CC2D2B: variants seen among roughly 807,000 people sequenced by gnomAD.
The protein encoded by CC2D2B is coiled-coil and C2 domain containing 2B.
Under a neutral mutation model 161.2 loss-of-function variants are expected in CC2D2B, and 128 were observed. The ratio of observed to expected loss-of-function variants is 0.79; its 90% CI spans 0.69 to 0.92. CC2D2B has a LOEUF of 0.92. Among genes scored for constraint, CC2D2B ranks in the 40% least tolerant of loss-of-function variants. The probability of loss-of-function intolerance (pLI) is 0.00; values close to 1 mark genes in which losing one functional copy is unlikely to be tolerated. For missense variants in CC2D2B, 1,173 were observed against 1,375.1 expected (o/e 0.85, Z 2.32); for synonymous variants, 391 against 449.8 (o/e 0.87, Z 1.65).
At chr10:96,002,279 G>A (rs1175870534) in intron 24 of CC2D2B, among the ~76,000 whole-genome samples, 1 of 152,062 alleles carries the variant, frequency 6.6e-6, no homozygotes, top group Non-Finnish European at 1.5e-5. Context: ...ACTACTTTTT[G>A]TTGCCTCTGA....
chr10:95,965,604 T>C (rs2076913232), intron 12 of CC2D2B, among the ~76,000 whole-genome samples: 1 of 152,088 alleles, frequency 6.6e-6, no homozygotes. Context: ...ATTCCCCTGT[T>C]ACTTATTCTC....
chr10:95,997,951 T>C (rs1360702930), intron 24 of CC2D2B, among the ~76,000 whole-genome samples: 1 of 152,234 alleles, frequency 6.6e-6, no homozygotes, highest in Non-Finnish European at 1.5e-5. Context: ...AACAGCAGTA[T>C]ATACAATTTC....
At chr10:95,932,901 T>C (rs190343352) in intron 6 of CC2D2B, among the ~76,000 whole-genome samples, 4 of 152,302 alleles carry the variant, frequency 2.6e-5, no homozygotes, top group African/African-American at 9.6e-5. Context: ...GTATTCTCTG[T>C]ATTTCCTGAA....
intron 27 of CC2D2B, 31 bp from the exon 28 acceptor site, chr10:96,012,501 C>G: frequency 6.8e-7 from 1 of 1,466,468 alleles, no homozygotes; most frequent in Non-Finnish European, 9.5e-7. Context: ...CAATACAGTA[C>G]AATTCTGAAA....
chr10:95,956,281 T>A (rs1172653149), intron 11 of CC2D2B, among the ~76,000 whole-genome samples: 4 of 151,760 alleles, frequency 2.6e-5, no homozygotes, highest in African/African-American at 9.7e-5. Flanking sequence ...ACCTCTTCTA[T>A]CACACACACA....
At chr10:95,966,086 T>G (rs2076930547) in intron 13 of CC2D2B, 88 bp downstream of exon 13, 4 of 723,464 alleles carry the variant, frequency 5.5e-6, no homozygotes, top group Non-Finnish European at 7.6e-6. Context: ...TTTCTAAAAG[T>G]TATCCAACAA....
At chr10:95,950,625 G>C (rs2076366996) in intron 10 of CC2D2B, 1 of 152,084 alleles carries the variant, frequency 6.6e-6, no homozygotes, top group Admixed American at 6.6e-5. Context: ...GCATTTTGTT[G>C]ACTAGTGTTC....
At chr10:96,010,466 CTG>C (rs2078940410) in intron 26 of CC2D2B, among the ~76,000 whole-genome samples, 3 of 152,148 alleles carry the variant, frequency 2.0e-5, no homozygotes. Flanking sequence ...ATGCCAGACA[CTG>C]TAAATGTGAA....
At chr10:96,010,834 T>C (rs2078957148) in intron 26 of CC2D2B, among the ~76,000 whole-genome samples, 1 of 152,220 alleles carries the variant, frequency 6.6e-6, no homozygotes, top group African/African-American at 2.4e-5. Context: ...TTTGCTACCC[T>C]GCTTTTCCTT....
At chr10:95,972,245 C>G in intron 16 of CC2D2B, 29 bp downstream of exon 16, 1 of 1,225,878 alleles carries the variant, frequency 8.2e-7, no homozygotes, top group Non-Finnish European at 1.0e-6. Context: ...TTACATTCCC[C>G]CTATTTTCTT....
At chr10:95,998,705 A>G (rs1403617422) in intron 24 of CC2D2B, among the ~76,000 whole-genome samples, 1 of 152,162 alleles carries the variant, frequency 6.6e-6, no homozygotes, top group Non-Finnish European at 1.5e-5. Flanking sequence ...TCCCTCTTCC[A>G]CAGGGGAGGT....
chr10:95,915,757 T>A (rs1387295542), intron 2 of CC2D2B, among the ~76,000 whole-genome samples: 1 of 152,212 alleles, frequency 6.6e-6, no homozygotes, highest in African/African-American at 2.4e-5. Flanking sequence ...GAATCTCATT[T>A]GGTCACGATG....
chr10:95,910,148 C>A (rs1175622499), intron 1 of CC2D2B, among the ~76,000 whole-genome samples: 1 of 151,894 alleles, frequency 6.6e-6, no homozygotes, highest in Non-Finnish European at 1.5e-5. Flanking sequence ...AGAGTGAGAC[C>A]CTGTCTCTAA....
At chr10:95,971,242 A>T (rs779097779) in intron 15 of CC2D2B, among the ~76,000 whole-genome samples, 8 of 152,010 alleles carry the variant, frequency 5.3e-5, no homozygotes, top group Non-Finnish European at 1.2e-4. Flanking sequence ...TACAAAAATT[A>T]GCCAGGTGTG....
intron 12 of CC2D2B, among the ~76,000 whole-genome samples, chr10:95,963,757 C>G (rs2076848044): frequency 6.6e-6 from 1 of 152,154 alleles, no homozygotes; most frequent in Non-Finnish European, 1.5e-5. Context: ...GTGAAGTTCA[C>G]TACTAAAAAT....
Position 95,983,659 on chromosome 10 carries a change from G to A in CC2D2B, c.2136G>A (p.Leu712=). 1 of 1,231,680 alleles carries A rather than the reference G, an allele frequency of 8.1e-7. No individual in the cohort carries two copies. The highest frequency in any genetic ancestry group is 1.0e-6 in the Non-Finnish European group (1 of 987,636). 76.3% of individuals were successfully genotyped at this position (1,231,680 alleles called of 1,614,324 possible). A position where few individuals can be genotyped will look rare whatever the true frequency, so the allele number is the denominator to read the frequency against. The change falls in exon 19 of 35, where the codon TTG becomes TTA. Residue 712 remains leucine, a synonymous_variant. Transcript: ENST00000646931. ...DIPKYFRLEQ[L]QDEFNFVSEE... ...CAAAGTATTTTCGTCTTGAACAGTT[G>A]CAAGATGAATTTAACTTCGTTTCTG...
intron 24 of CC2D2B, among the ~76,000 whole-genome samples, chr10:95,998,087 T>C (rs1046064446): frequency 6.6e-6 from 1 of 152,182 alleles, no homozygotes; most frequent in Non-Finnish European, 1.5e-5. Flanking sequence ...AGTTTTTTTT[T>C]CAATTTTTTT....
intron 10 of CC2D2B, 105 bp downstream of exon 10, chr10:95,950,210 C>G (rs2076352572): frequency 5.0e-6 from 2 of 396,148 alleles, no homozygotes; most frequent in African/African-American, 4.1e-5. Flanking sequence ...TTAAGTAGAA[C>G]AATGGTTCAA....
At chr10:96,021,428 C>T (rs1319661586) in intron 32 of CC2D2B, 2 of 152,234 alleles carry the variant, frequency 1.3e-5, no homozygotes, top group African/African-American at 4.8e-5. Flanking sequence ...AGCCAATTTA[C>T]AGTTGTTCCC....
Sources: gnomAD v4.1 joint callset for allele counts (sites outside exome capture counted in the v4.1 genomes callset) on GRCh38, gnomAD v4.1.1 for gene constraint, MANE v1.5 for transcripts, NCBI Gene and HGNC (gene_info 2026-07-23, HGNC 2026-07-21) for gene names.